EPG5: variants seen among roughly 807,000 people sequenced by gnomAD.
EPG5 encodes the protein ectopic P-granules 5 autophagy tethering factor, also known as ectopic P granules protein 5 homolog.
EPG5 carries 159 observed loss-of-function variants against 302.7 expected under a neutral mutation model. The ratio of observed to expected loss-of-function variants is 0.53; its 90% CI spans 0.46 to 0.60. The LOEUF (loss-of-function observed/expected upper bound fraction) is 0.60, where lower values mean the gene tolerates loss of function less well. EPG5 is among the 20% of genes least tolerant of loss of function. EPG5 has a pLI of 0.00. For synonymous variants in EPG5, 1,158 were observed against 1,136.8 expected (o/e 1.02, Z -0.37); for missense variants, 2,896 against 3,092.4 (o/e 0.94, Z 1.51).
intron 23 of EPG5, 41 bp downstream of exon 23, chr18:45,910,480 G>A (rs778932366): frequency 6.8e-6 from 10 of 1,464,682 alleles, no homozygotes; most frequent in Non-Finnish European, 2.8e-6. Context: ...TAGTACCTGT[G>A]CTGCAAACAA....
At chr18:45,855,485 A>C in intron 43 of EPG5, 88 bp downstream of exon 43, 1 of 855,368 alleles carries the variant, frequency 1.2e-6, no homozygotes, top group Non-Finnish European at 1.9e-6. Flanking sequence ...GCATCATGTC[A>C]TGACGCGCAC....
At chr18:45,843,662 T>A (rs1404312430), downstream of EPG5, 1 of 152,280 alleles carries the variant, frequency 6.6e-6, no homozygotes, top group Non-Finnish European at 1.5e-5. Flanking sequence ...GTGGATCACT[T>A]GAGGTCAGGA....
At chr18:45,942,166 A>C (rs907595142) in intron 9 of EPG5, among the ~76,000 whole-genome samples, 39 of 152,226 alleles carry the variant, frequency 2.6e-4, no homozygotes, top group African/African-American at 9.1e-4. Context: ...CAGAGGTTGC[A>C]GTGAGCCGAG....
the EPG5 span, among the ~76,000 whole-genome samples, chr18:45,820,539 C>A: frequency 6.6e-6 from 1 of 152,156 alleles, no homozygotes; most frequent in African/African-American, 2.4e-5. Context: ...TGGATCCCTG[C>A]ACCCTCCTGG....
rs757640985 is a variant in EPG5, at chr18:45,901,071, G to T, written c.4571C>A (p.Ser1524Tyr). The change falls in exon 26 of 44, where the codon TCT (serine) becomes TAT (tyrosine). Residue 1524 changes from serine to tyrosine, a missense_variant. Physicochemically the swap from Ser to Tyr is moderately radical, Grantham distance 144. Coordinates refer to ENST00000282041, the MANE Select transcript of EPG5 (RefSeq NM_020964.3). Reference sequence around the variant, plus strand: ...GTCCTTCTGACTCAATAGCACAGCAGAGGAAATAACTGGCACAGGAGGCTT... The same window carrying T: ...GTCCTTCTGACTCAATAGCACAGCATAGGAAATAACTGGCACAGGAGGCTT... The part of the protein sequence containing the change: ...PTKPPVPVIS[S>Y]AVLLSQKDAT... 6.2e-7 allele frequency: 1 copy of T among 1,614,102 alleles called. No individual in the cohort carries two copies. The highest frequency in any genetic ancestry group is 8.5e-7 in the Non-Finnish European group (1 of 1,180,038).
chr18:45,809,999 C>T, the EPG5 span, among the ~76,000 whole-genome samples: 1 of 151,916 alleles, frequency 6.6e-6, no homozygotes, highest in Non-Finnish European at 1.5e-5. Flanking sequence ...AGGAGAAAAT[C>T]CAAATAAGCT....
Position 45,951,220 on chromosome 18 carries a change from C to A in EPG5, c.1271G>T (p.Ser424Ile). Residue 424 changes from serine (S) to isoleucine (I), a missense_variant, in exon 4 of 44, where the codon AGC becomes ATC. Coordinates refer to ENST00000282041, the MANE Select transcript of EPG5 (RefSeq NM_020964.3). ...QQGRASKQTE[S>I]IPSDLCQLKE... is the part of the protein sequence containing the mutation. ...TAGTTGACACAGATCAGAGGGAATG[C>A]TTTCTGTCTGCTTAGACGCTGTAAA... The A allele has an allele frequency of 6.4e-7, 1 of 1,560,986 alleles. No individual in the cohort carries two copies. Among genetic ancestry groups the A allele is most frequent in the South Asian group, 1.3e-5 (1 of 78,924 alleles).
At chr18:45,832,907 T>A in the EPG5 span, among the ~76,000 whole-genome samples, 719 of 152,284 alleles carry the variant, frequency 4.7e-3, 5 homozygotes, top group Non-Finnish European at 8.1e-3. Context: ...CAAAGGTCTC[T>A]GTGTAAGCGG....
At chr18:45,940,730 A>G (rs2145888746) in intron 9 of EPG5, among the ~76,000 whole-genome samples, 1 of 151,826 alleles carries the variant, frequency 6.6e-6, no homozygotes, top group East Asian at 1.9e-4. Flanking sequence ...AATTGGTGGC[A>G]TTTTAGATTT....
intron 2 of EPG5, chr18:45,953,790 T>C: frequency 1.2e-5 from 12 of 985,328 alleles, no homozygotes; most frequent in Non-Finnish European, 1.4e-5. Context: ...AGGAATCAGT[T>C]ACTACCTTCA....
chr18:45,889,716 G>A (rs2049297618), intron 28 of EPG5, 82 bp downstream of exon 28: 1 of 1,263,430 alleles, frequency 7.9e-7, no homozygotes, highest in South Asian at 1.6e-5. Flanking sequence ...TGCTGCAGGG[G>A]TGGTGGTGGT....
At chr18:45,959,740 G>A (rs562983512) in intron 1 of EPG5, among the ~76,000 whole-genome samples, 3 of 152,268 alleles carry the variant, frequency 2.0e-5, no homozygotes, top group African/African-American at 7.2e-5. Context: ...AGCACTTTGC[G>A]AGGCTGAGGT....
chr18:45,898,114 CT>C (rs1311644630), intron 27 of EPG5, among the ~76,000 whole-genome samples: 2 of 152,226 alleles, frequency 1.3e-5, no homozygotes, highest in South Asian at 2.1e-4. Flanking sequence ...AATACCAGCA[CT>C]TTGGGAGTCC....
At chr18:45,896,889 G>T (rs375503937) in intron 27 of EPG5, among the ~76,000 whole-genome samples, 1 of 152,178 alleles carries the variant, frequency 6.6e-6, no homozygotes, top group African/African-American at 2.4e-5. Flanking sequence ...ACTTTGGTAT[G>T]TTTGTAAAAA....
the EPG5 span, among the ~76,000 whole-genome samples, chr18:45,807,230 C>T: frequency 1.5e-4 from 23 of 152,246 alleles, no homozygotes; most frequent in African/African-American, 5.1e-4. Flanking sequence ...CAAGACCTGC[C>T]CAAGGAGAGT....
intron 36 of EPG5, among the ~76,000 whole-genome samples, chr18:45,869,451 G>T (rs1199512312): frequency 1.3e-5 from 2 of 152,132 alleles, no homozygotes; most frequent in Non-Finnish European, 2.9e-5. Flanking sequence ...AGGGTCATCT[G>T]CCATTAGAAT....
In EPG5 at chr18:45,965,308, G is replaced by A. The variant is rs139318162; in HGVS notation, c.63+1869C>T. On this transcript the variant is annotated intron_variant, in intron 1 of 43. Coordinates refer to ENST00000282041, the MANE Select transcript of EPG5 (RefSeq NM_020964.3). ...ACCAGGGCCTACTTGAGGGCAGAAGGTGGGAAGAAGGGAAGGATAAAAAAA... is the reference window on the plus strand; with the variant it reads ...ACCAGGGCCTACTTGAGGGCAGAAGATGGGAAGAAGGGAAGGATAAAAAAA... 1.7e-4 allele frequency among the ~76,000 whole-genome samples: 26 copies of A among 152,260 alleles called. No homozygotes were observed. The South Asian group carries it at 4.8e-3, about 28-fold the overall frequency.
At chr18:45,899,106 T>A (rs1245428951) in intron 27 of EPG5, among the ~76,000 whole-genome samples, 1 of 152,034 alleles carries the variant, frequency 6.6e-6, no homozygotes, top group Admixed American at 6.6e-5. Flanking sequence ...GCCTGGGGAC[T>A]CCGTTTCAAA....
chr18:45,910,134 C>T (rs543754075), intron 23 of EPG5, among the ~76,000 whole-genome samples: 14 of 152,112 alleles, frequency 9.2e-5, no homozygotes, highest in South Asian at 4.2e-4. Context: ...CACAGGTGCA[C>T]GCCACCAGGC....
Sources: allele counts gnomAD v4.1 joint callset (sites outside exome capture counted in the v4.1 genomes callset), GRCh38; gene constraint gnomAD v4.1.1; transcripts MANE v1.5; gene names NCBI Gene and HGNC (gene_info 2026-07-23, HGNC 2026-07-21).